The following TANC2 variants were observed in gnomAD, a reference collection of about 807,000 sequenced individuals.
TANC2 encodes the protein tetratricopeptide repeat, ankyrin repeat and coiled-coil containing 2.
A neutral mutation model predicts 210.5 loss-of-function variants in TANC2; 26 were observed. That is an observed-to-expected ratio of 0.12 (90% confidence interval 0.09 to 0.17). The LOEUF is 0.17. Among genes scored for constraint, TANC2 ranks in the 10% least tolerant of loss-of-function variants. The probability of loss-of-function intolerance (pLI) is 1.00; values close to 1 mark genes in which losing one functional copy is unlikely to be tolerated. For synonymous variants in TANC2, 931 were observed against 967.1 expected (o/e 0.96, Z 0.69); for missense variants, 2,129 against 2,608.9 (o/e 0.82, Z 4.01).
chr17:63,384,883 G>C (rs555699019), intron 15 of TANC2, among the ~76,000 whole-genome samples: 1 of 152,284 alleles, frequency 6.6e-6, no homozygotes, highest in African/African-American at 2.4e-5. Context: ...GTCTGTTTTA[G>C]TCTATTATAG....
At chr17:63,339,996 CT>C in intron 11 of TANC2, 104 bp from the exon 12 acceptor site, 1 of 812,308 alleles carries the variant, frequency 1.2e-6, no homozygotes, top group Non-Finnish European at 2.0e-6. Context: ...TTATGTAATA[CT>C]GAGATACTAA....
chr17:63,374,153 C>T (rs2047357850), intron 14 of TANC2, among the ~76,000 whole-genome samples: 1 of 146,078 alleles, frequency 6.8e-6, no homozygotes, highest in Non-Finnish European at 1.5e-5. Flanking sequence ...TTTTCTGCTT[C>T]AGCCTCCCAA....
chr17:63,408,386 CAT>C (rs1459871031), intron 21 of TANC2, among the ~76,000 whole-genome samples: 2 of 152,116 alleles, frequency 1.3e-5, no homozygotes, highest in African/African-American at 4.8e-5. Context: ...AAGTATTTAA[CAT>C]ATTATGGATT....
At chr17:63,227,052 G>T (rs2042347292) in intron 7 of TANC2, among the ~76,000 whole-genome samples, 1 of 152,050 alleles carries the variant, frequency 6.6e-6, no homozygotes, top group Non-Finnish European at 1.5e-5. Flanking sequence ...GAATAGTGCT[G>T]CAATGAACAT....
intron 2 of TANC2, among the ~76,000 whole-genome samples, chr17:63,018,007 G>A (rs1288763787): frequency 6.6e-6 from 1 of 151,916 alleles, no homozygotes; most frequent in African/African-American, 2.4e-5. Context: ...AGCCAGACAT[G>A]GTGACATGTA....
At chr17:63,360,566 A>G (rs1179370489) in intron 14 of TANC2, among the ~76,000 whole-genome samples, 4 of 152,188 alleles carry the variant, frequency 2.6e-5, no homozygotes, top group African/African-American at 9.6e-5. Context: ...TGATATAGGC[A>G]TGCAGTGTGT....
chr17:63,329,755 T>A (rs546955694), intron 11 of TANC2, among the ~76,000 whole-genome samples: 1 of 152,238 alleles, frequency 6.6e-6, no homozygotes, highest in Non-Finnish European at 1.5e-5. Context: ...GACCAGCCAT[T>A]CCCCCATCTC....
intron 2 of TANC2, among the ~76,000 whole-genome samples, chr17:63,013,456 A>T (rs1169852702): frequency 1.3e-5 from 2 of 151,770 alleles, no homozygotes; most frequent in Non-Finnish European, 2.9e-5. Context: ...AATCTTTATC[A>T]TTGAAAAAAA....
rs139136783 is a variant in TANC2, at chr17:63,113,121, A to T, written c.322+13764A>T. Among the ~76,000 whole-genome samples the T allele has an allele frequency of 4.7e-3, 713 of 152,342 alleles. 5 individuals are homozygous for T. The highest frequency in any genetic ancestry group is 0.017 in the African/African-American group (689 of 41,572). On this transcript the variant is annotated intron_variant, in intron 4 of 27. Coordinates refer to ENST00000689528, the Ensembl canonical transcript of TANC2. The stretch of plus-strand genomic sequence containing the variant: ...TCACAAAGCATCACAAAAGTCAAAT[A>T]AATATCCACGATTCAAAAGAAAGCC...
At chr17:63,305,879 A>T (rs1305789057) in intron 9 of TANC2, among the ~76,000 whole-genome samples, 1 of 152,154 alleles carries the variant, frequency 6.6e-6, no homozygotes, top group Non-Finnish European at 1.5e-5. Flanking sequence ...TTGTCAGGGT[A>T]CTCTGTGAAG....
intron 7 of TANC2, among the ~76,000 whole-genome samples, chr17:63,202,399 A>G (rs551547877): frequency 6.6e-6 from 1 of 152,296 alleles, no homozygotes; most frequent in South Asian, 2.1e-4. Flanking sequence ...CAACCAGATG[A>G]TGACAGTGTC....
At chr17:63,204,340 G>A (rs1219950291) in intron 7 of TANC2, among the ~76,000 whole-genome samples, 3 of 151,666 alleles carry the variant, frequency 2.0e-5, no homozygotes, top group Non-Finnish European at 4.4e-5. Context: ...GAAATTTTAA[G>A]ACTTAAATGG....
At chr17:63,212,088 T>C (rs1034996649) in intron 7 of TANC2, among the ~76,000 whole-genome samples, 1 of 152,156 alleles carries the variant, frequency 6.6e-6, no homozygotes, top group Non-Finnish European at 1.5e-5. Context: ...GTCCAAGTGT[T>C]CTCATTGTTC....
At chr17:63,015,695 G>C (rs2034076265) in intron 2 of TANC2, among the ~76,000 whole-genome samples, 1 of 151,712 alleles carries the variant, frequency 6.6e-6, no homozygotes, top group Admixed American at 6.6e-5. Flanking sequence ...TTTATGATGT[G>C]AAAATTATTT....
At chr17:63,367,479 A>G (rs1464149861) in intron 14 of TANC2, among the ~76,000 whole-genome samples, 1 of 152,200 alleles carries the variant, frequency 6.6e-6, no homozygotes, top group Non-Finnish European at 1.5e-5. Flanking sequence ...TTCTTCTTCC[A>G]GTGTGGCCCC....
At chr17:63,067,884 T>G (rs2036258063) in intron 2 of TANC2, among the ~76,000 whole-genome samples, 2 of 152,192 alleles carry the variant, frequency 1.3e-5, no homozygotes, top group Non-Finnish European at 2.9e-5. Context: ...AAATGTGGTG[T>G]TAAAATAATA....
chr17:63,022,824 G>A (rs528206050), intron 2 of TANC2, among the ~76,000 whole-genome samples: 98 of 152,240 alleles, frequency 6.4e-4, no homozygotes, highest in South Asian at 4.1e-4. Flanking sequence ...GGCTCAAGTG[G>A]CCCCAGGTGC....
chr17:63,266,889 G>A (rs554910265), intron 8 of TANC2, among the ~76,000 whole-genome samples: 1 of 152,024 alleles, frequency 6.6e-6, no homozygotes, highest in South Asian at 2.1e-4. Context: ...TCTCTCTGTT[G>A]CCAAGTCTGT....
intron 9 of TANC2, among the ~76,000 whole-genome samples, chr17:63,284,093 C>A (rs2044147349): frequency 6.6e-6 from 1 of 151,868 alleles, no homozygotes; most frequent in Admixed American, 6.6e-5. Context: ...AATATGTTCT[C>A]CATAGATGTT....
Sources: gnomAD v4.1 joint callset for allele counts (sites outside exome capture counted in the v4.1 genomes callset) on GRCh38, gnomAD v4.1.1 for gene constraint, MANE v1.5 for transcripts, NCBI Gene and HGNC (gene_info 2026-07-23, HGNC 2026-07-21) for gene names.